VSIG10: variants seen among roughly 807,000 people sequenced by gnomAD.
The protein encoded by VSIG10 is V-set and immunoglobulin domain-containing protein 10.
VSIG10 carries 48 observed loss-of-function variants against 58.7 expected under a neutral mutation model. That is an observed-to-expected ratio of 0.82 (90% CI 0.65 to 1.04). The LOEUF is 1.04. VSIG10 is among the 50% of genes least tolerant of loss of function. VSIG10 has a pLI of 0.00. For missense variants in VSIG10, 628 were observed against 670.0 expected, an observed-to-expected ratio of 0.94 and a Z score of 0.69; for synonymous variants, 260 against 267.1, an observed-to-expected ratio of 0.97 and a Z score of 0.26.
At chr12:118,095,924 T>C in intron 1 of VSIG10, 110 bp from the exon 2 acceptor site, 2 of 207,754 alleles carry the variant, frequency 9.6e-6, no homozygotes, top group Non-Finnish European at 1.3e-5. Flanking sequence ...GTATATGTTC[T>C]TTTTTTTTTT....
At chr12:118,096,278 T>C (rs1476119444) in intron 1 of VSIG10, among the ~76,000 whole-genome samples, 1 of 151,332 alleles carries the variant, frequency 6.6e-6, no homozygotes, top group Non-Finnish European at 1.5e-5. Context: ...CCGTCTGTAA[T>C]AAAAATACAA....
Position 118,103,806 on chromosome 12 carries a change from C to T in VSIG10, c.-135G>A. On this transcript the variant is annotated 5_prime_UTR_variant, in exon 1 of 9. Coordinates refer to ENST00000359236, the MANE Select transcript of VSIG10 (RefSeq NM_019086.6). Reference sequence around the variant, plus strand: ...GGCAGAGTGGCCCCACTTCCTCGGCCCCCAGGAAGGATGCTTGGCTGAGCC... The same window carrying T: ...GGCAGAGTGGCCCCACTTCCTCGGCTCCCAGGAAGGATGCTTGGCTGAGCC... The T allele has an allele frequency of 1.2e-6, 1 of 836,410 alleles. No homozygotes were observed. The highest frequency in any genetic ancestry group is 1.7e-6 in the Non-Finnish European group (1 of 590,128). 51.8% of individuals were successfully genotyped at this position (836,410 alleles called of 1,614,324 possible).
chr12:118,071,000 G>T (rs2032468404), intron 7 of VSIG10, 52 bp downstream of exon 7: 1 of 1,587,988 alleles, frequency 6.3e-7, no homozygotes, highest in African/African-American at 1.3e-5. Context: ...CAAAACAGAA[G>T]TGAAGACAGA....
At chr12:118,080,362 T>C (rs984341736) in intron 3 of VSIG10, among the ~76,000 whole-genome samples, 1 of 151,818 alleles carries the variant, frequency 6.6e-6, no homozygotes, top group Non-Finnish European at 1.5e-5. Context: ...GGTTTTGCCA[T>C]GTTGCCCAGG....
At chr12:118,079,763 C>A (rs927838313) in intron 3 of VSIG10, among the ~76,000 whole-genome samples, 157 bp from the exon 4 acceptor site, 1 of 152,238 alleles carries the variant, frequency 6.6e-6, no homozygotes, top group Non-Finnish European at 1.5e-5. Flanking sequence ...TGCCTGACAA[C>A]AGTCAGGCTT....
chr12:118,092,435 A>G (rs980762989), intron 2 of VSIG10, among the ~76,000 whole-genome samples: 5 of 152,164 alleles, frequency 3.3e-5, no homozygotes, highest in Non-Finnish European at 5.9e-5. Flanking sequence ...TCCAGTGACC[A>G]GCAAACTCTC....
chr12:118,080,101 T>C (rs1201660101), intron 3 of VSIG10, among the ~76,000 whole-genome samples: 1 of 152,192 alleles, frequency 6.6e-6, no homozygotes, highest in Non-Finnish European at 1.5e-5. Context: ...TCCAAAGTGT[T>C]GGGATTATAG....
chr12:118,098,734 G>C (rs1007966342), intron 1 of VSIG10, among the ~76,000 whole-genome samples: 1 of 152,114 alleles, frequency 6.6e-6, no homozygotes, highest in Admixed American at 6.6e-5. Context: ...GTGAGGATGG[G>C]TTCCCAGGCA....
chr12:118,071,462 T>G lies in VSIG10; in HGVS notation c.1227A>C (p.Leu409Phe). Residue 409 changes from leucine (L) to phenylalanine (F), a missense_variant, in exon 6 of 9, where the codon TTA (leucine) becomes TTC (phenylalanine). Physicochemically the swap from Leu to Phe is conservative, Grantham distance 22. Transcript: ENST00000359236. ...TGGTTCCCACAATCCCCCCGATATT[T>G]AAAGGTTCTGTAAAGACAAATCACA... is the stretch of plus-strand genomic sequence containing the variant. Reference protein sequence around the residue: ...MEIWLSVKEPLNIGGIVGTIV... With the variant: ...MEIWLSVKEPFNIGGIVGTIV... 2.5e-6 allele frequency: 4 copies of G among 1,613,862 alleles called. No individual in the cohort carries two copies. Among genetic ancestry groups the G allele is most frequent in the Non-Finnish European group, 3.4e-6 (4 of 1,179,796 alleles).
At chr12:118,072,422 A>T (rs1181280918) in intron 5 of VSIG10, among the ~76,000 whole-genome samples, 5 of 149,544 alleles carry the variant, frequency 3.3e-5, no homozygotes, top group Non-Finnish European at 7.4e-5. Flanking sequence ...CCGAGATCGC[A>T]CCACTGCACT....
chr12:118,103,292 C>A, intron 1 of VSIG10: 1 of 327,556 alleles, frequency 3.1e-6, no homozygotes, highest in Non-Finnish European at 5.5e-6. Flanking sequence ...ATCACTTTCC[C>A]GGCACACGTG....
chr12:118,092,760 T>C (rs1035051516), intron 2 of VSIG10, among the ~76,000 whole-genome samples: 28 of 151,444 alleles, frequency 1.8e-4, no homozygotes, highest in African/African-American at 6.8e-4. Flanking sequence ...CTCAGCCTCC[T>C]GAGTAGCTGG....
chr12:118,067,125 G>C (rs2032276464), intron 8 of VSIG10, among the ~76,000 whole-genome samples: 1 of 151,560 alleles, frequency 6.6e-6, no homozygotes, highest in South Asian at 2.1e-4. Context: ...CCCAGGCTCA[G>C]GTGATTCTCC....
Position 118,103,757 on chromosome 12 carries a change from G to A in VSIG10, c.-86C>T, listed in dbSNP as rs944368239. The A allele has an allele frequency of 1.5e-6, 2 of 1,311,646 alleles. No homozygotes were observed. Among genetic ancestry groups the A allele is most frequent in the African/African-American group, 3.1e-5 (2 of 64,002 alleles). 81.3% of individuals were successfully genotyped at this position (1,311,646 alleles called of 1,614,324 possible). The stretch of plus-strand genomic sequence containing the variant: ...AGGGCCCCGGGGCCCGGGGTACCGA[G>A]GGCTCCTCCCAGGTCCTCGGAACGG... On this transcript the variant is annotated 5_prime_UTR_variant, in exon 1 of 9. Coordinates refer to ENST00000359236, the MANE Select transcript of VSIG10 (RefSeq NM_019086.6).
rs566883353 is a variant in VSIG10, at chr12:118,084,935, T to C, written c.362-2506A>G. On this transcript the variant is annotated intron_variant, in intron 2 of 8. Transcript: ENST00000359236. ...TCTGGAGGCTGAGGCAGGAGAATGGTGTGAACCCGGGAGGCGGAGCTTGCA... is the reference window on the plus strand; with the variant it reads ...TCTGGAGGCTGAGGCAGGAGAATGGCGTGAACCCGGGAGGCGGAGCTTGCA... Among the ~76,000 whole-genome samples, 346 of 152,106 alleles carry C rather than the reference T, an allele frequency of 2.3e-3. 1 individual carries two copies. The highest frequency in any genetic ancestry group is 8.0e-3 in the African/African-American group (333 of 41,494).
intron 3 of VSIG10, among the ~76,000 whole-genome samples, chr12:118,080,969 GGT>G (rs2137895191): frequency 6.6e-6 from 1 of 152,260 alleles, no homozygotes; most frequent in South Asian, 2.1e-4. Context: ...GGCCAGGAAT[GGT>G]GGCTCATGCC....
rs73410784 is a variant in VSIG10 at position 118,082,410 on chromosome 12, C to T, written c.381G>A (p.Glu127=). Residue 127 remains glutamate (E), a synonymous_variant, in exon 3 of 9, where the codon GAG becomes GAA. Coordinates refer to ENST00000359236, the MANE Select transcript of VSIG10 (RefSeq NM_019086.6). ...GTGTGCCGGTGGCCACGATGTGGAC[C>T]TCAATCTGATAGGGGCCGCCTGGGG... is the stretch of plus-strand genomic sequence containing the variant. The part of the protein sequence containing the change: ...LQVASGPYQI[E]VHIVATGTLP... 3.2e-3 allele frequency: 5,102 copies of T among 1,611,200 alleles called. 128 individuals carry two copies. The African/African-American group carries it at 0.058, about 18-fold the overall frequency.
chr12:118,071,574 C>T, intron 5 of VSIG10, 105 bp from the exon 6 acceptor site: 1 of 1,061,176 alleles, frequency 9.4e-7, no homozygotes, highest in Non-Finnish European at 1.4e-6. Context: ...TGATTCCTGA[C>T]CTTGGGTAAG....
intron 1 of VSIG10, chr12:118,103,248 A>C (rs1364095231): frequency 4.4e-6 from 1 of 226,568 alleles, no homozygotes; most frequent in Non-Finnish European, 8.7e-6. Flanking sequence ...CTAAAACCAG[A>C]ACGCGAATTT....
Sources: gnomAD v4.1 joint callset for allele counts (sites outside exome capture counted in the v4.1 genomes callset) on GRCh38, gnomAD v4.1.1 for gene constraint, MANE v1.5 for transcripts, NCBI Gene and HGNC (gene_info 2026-07-23, HGNC 2026-07-21) for gene names.